PDE7B: variants seen among roughly 807,000 people sequenced by gnomAD.
The protein encoded by PDE7B is 3',5'-cyclic-AMP phosphodiesterase 7B.
A neutral mutation model predicts 56.2 loss-of-function variants in PDE7B; 29 were observed. The ratio of observed to expected loss-of-function variants is 0.52; its 90% CI spans 0.38 to 0.70. PDE7B has a LOEUF of 0.70. PDE7B is among the 30% of genes least tolerant of loss of function. The probability of loss-of-function intolerance (pLI) is 0.00; values close to 1 mark genes in which losing one functional copy is unlikely to be tolerated. For synonymous variants in PDE7B, 197 were observed against 196.9 expected (o/e 1.00, Z 0.00); for missense variants, 490 against 565.0 (o/e 0.87, Z 1.35).
At chr6:136,005,045 C>T (rs1329366667) in intron 2 of PDE7B, among the ~76,000 whole-genome samples, 18 of 152,156 alleles carry the variant, frequency 1.2e-4, no homozygotes, top group South Asian at 6.2e-4. Flanking sequence ...TCAGAAATAA[C>T]GCTGCATATC....
At chr6:135,888,443 A>T (rs1562425905) in intron 1 of PDE7B, among the ~76,000 whole-genome samples, 1 of 151,208 alleles carries the variant, frequency 6.6e-6, no homozygotes, top group Non-Finnish European at 1.5e-5. Context: ...ATAAAGCTGA[A>T]ATACACACGT....
intron 1 of PDE7B, among the ~76,000 whole-genome samples, chr6:135,853,414 G>A (rs1470928568): frequency 6.6e-6 from 1 of 152,198 alleles, no homozygotes; most frequent in Admixed American, 6.5e-5. Context: ...GGGAAAACAA[G>A]GACTTTGTGT....
chr6:135,897,082 A>G (rs1169331318), intron 1 of PDE7B, among the ~76,000 whole-genome samples: 4 of 152,174 alleles, frequency 2.6e-5, no homozygotes, highest in Non-Finnish European at 4.4e-5. Context: ...GTCCACTGCC[A>G]CAATGATCAA....
chr6:136,045,149 A>AC (rs1408787515), intron 2 of PDE7B, among the ~76,000 whole-genome samples: 1 of 152,090 alleles, frequency 6.6e-6, no homozygotes, highest in African/African-American at 2.4e-5. Context: ...TCTTGATAAT[A>AC]CATACTAGGT....
chr6:136,162,796 A>T (rs1778728618), intron 8 of PDE7B, among the ~76,000 whole-genome samples: 1 of 152,242 alleles, frequency 6.6e-6, no homozygotes, highest in Admixed American at 6.5e-5. Flanking sequence ...TGGCCAAAAC[A>T]AAAGGGTTAC....
At chr6:135,887,280 T>A (rs933525450) in intron 1 of PDE7B, among the ~76,000 whole-genome samples, 2 of 152,176 alleles carry the variant, frequency 1.3e-5, no homozygotes, top group African/African-American at 4.8e-5. Flanking sequence ...GTTGAATCCA[T>A]AGTTAATATT....
At chr6:136,000,899 A>G (rs1775656027) in intron 2 of PDE7B, among the ~76,000 whole-genome samples, 1 of 152,204 alleles carries the variant, frequency 6.6e-6, no homozygotes, top group Non-Finnish European at 1.5e-5. Context: ...TGCCTCCTCA[A>G]GTGGGTCCCT....
At chr6:136,012,413 T>C (rs928697463) in intron 2 of PDE7B, among the ~76,000 whole-genome samples, 2 of 152,258 alleles carry the variant, frequency 1.3e-5, no homozygotes, top group Admixed American at 6.5e-5. Flanking sequence ...CCTAGAGTTA[T>C]GGAGCTGGAC....
chr6:135,942,105 T>A (rs1774515117), intron 1 of PDE7B, among the ~76,000 whole-genome samples: 1 of 151,350 alleles, frequency 6.6e-6, no homozygotes, highest in Non-Finnish European at 1.5e-5. Context: ...AGTATTTTAA[T>A]ATTGTCAATT....
intron 2 of PDE7B, among the ~76,000 whole-genome samples, chr6:135,960,969 C>A (rs951164882): frequency 1.3e-5 from 2 of 152,164 alleles, no homozygotes; most frequent in Non-Finnish European, 2.9e-5. Context: ...TTGGGCTAAA[C>A]CTGACCTGTC....
At chr6:135,976,321 G>T (rs144112789) in intron 2 of PDE7B, among the ~76,000 whole-genome samples, 5 of 152,268 alleles carry the variant, frequency 3.3e-5, no homozygotes, top group African/African-American at 1.2e-4. Context: ...AGAGAGAGCA[G>T]CAAAGGTCCT....
At chr6:135,927,456 G>T (rs1369605466) in intron 1 of PDE7B, among the ~76,000 whole-genome samples, 1 of 152,038 alleles carries the variant, frequency 6.6e-6, no homozygotes, top group Non-Finnish European at 1.5e-5. Context: ...GAATAGCATT[G>T]AATCTATAAA....
intron 2 of PDE7B, among the ~76,000 whole-genome samples, chr6:136,017,090 G>GCCTGAAAC (rs1286293298): frequency 6.6e-6 from 1 of 152,164 alleles, no homozygotes; most frequent in Admixed American, 6.5e-5. Context: ...GCAGCAAATA[G>GCCTGAAAC]CCTGAAACCC....
At chr6:136,097,945 G>A (rs994830524) in intron 2 of PDE7B, 3 of 152,064 alleles carry the variant, frequency 2.0e-5, no homozygotes, top group African/African-American at 7.2e-5. Flanking sequence ...ATACTTTTGA[G>A]TGTGAAGGTG....
At chr6:136,135,322 T>C (rs1283295977) in intron 3 of PDE7B, among the ~76,000 whole-genome samples, 1 of 152,148 alleles carries the variant, frequency 6.6e-6, no homozygotes, top group Admixed American at 6.6e-5. Context: ...TTGGTGGTTT[T>C]ATTATTGTTG....
chr6:136,161,070 A>AATGTAGT (rs1205287602), intron 8 of PDE7B, among the ~76,000 whole-genome samples: 8 of 152,208 alleles, frequency 5.3e-5, no homozygotes, highest in African/African-American at 1.9e-4. Flanking sequence ...ATTTGAATAA[A>AATGTAGT]ATGTAGTATT....
chr6:135,934,775 AT>A lies in PDE7B; in HGVS notation c.22-12686del, dbSNP rs1277290687. 4.0e-4 allele frequency among the ~76,000 whole-genome samples: 38 copies of A among 94,100 alleles called. 1 individual carries two copies. Among genetic ancestry groups the A allele is most frequent in the African/African-American group, 1.6e-3 (36 of 22,780 alleles). 61.7% of individuals were successfully genotyped at this position (94,100 alleles called of 152,430 possible). A position where few individuals can be genotyped will look rare whatever the true frequency, so the allele number is the denominator to read the frequency against. Reference sequence around the variant, plus strand: ...ATATATTTTTTAAATATATATATATATTTATTATATATATATTTTAAATATA... The same window carrying A: ...ATATATTTTTTAAATATATATATATATTATTATATATATATTTTAAATATA... On this transcript the variant is annotated intron_variant, in intron 1 of 12. Coordinates refer to ENST00000308191, the MANE Select transcript of PDE7B (RefSeq NM_018945.4).
Position 136,040,695 on chromosome 6 carries a change from GCTCT to G in PDE7B, c.83-68027_83-68024del, listed in dbSNP as rs963211757. Among the ~76,000 whole-genome samples the G allele has an allele frequency of 2.2e-4, 33 of 151,848 alleles. 1 individual carries two copies. Among genetic ancestry groups the G allele is most frequent in the African/African-American group, 7.2e-4 (30 of 41,408 alleles). ...AAACAGCAAGACACGGTGCTCCCTC[GCTCT>G]CTCTCTCTGTCATTTCATCCTTGCC... On this transcript the variant is annotated intron_variant, in intron 2 of 12. Transcript: ENST00000308191.
At chr6:135,978,133 T>G (rs1174008325) in intron 2 of PDE7B, among the ~76,000 whole-genome samples, 1 of 152,136 alleles carries the variant, frequency 6.6e-6, no homozygotes, top group Non-Finnish European at 1.5e-5. Context: ...CTGGATGGTA[T>G]AGCCTACTAC....
Sources: allele counts gnomAD v4.1 joint callset (sites outside exome capture counted in the v4.1 genomes callset), GRCh38; gene constraint gnomAD v4.1.1; transcripts MANE v1.5; gene names NCBI Gene and HGNC (gene_info 2026-07-23, HGNC 2026-07-21).